PIWIL1: variants seen among roughly 807,000 people sequenced by gnomAD.
PIWIL1 encodes the protein piwi-like protein 1.
A neutral mutation model predicts 114.4 loss-of-function variants in PIWIL1; 73 were observed. That is an observed-to-expected ratio of 0.64 (90% CI 0.53 to 0.78). The LOEUF (loss-of-function observed/expected upper bound fraction) is 0.78, where lower values mean the gene tolerates loss of function less well. Among genes scored for constraint, PIWIL1 ranks in the 30% least tolerant of loss-of-function variants. PIWIL1 has a pLI of 0.00. For synonymous variants in PIWIL1, 375 were observed against 369.0 expected (o/e 1.02, Z -0.19); for missense variants, 723 against 1,063.1 (o/e 0.68, Z 4.45).
At chr12:130,390,741 C>T in the PIWIL1 span, among the ~76,000 whole-genome samples, 1 of 152,184 alleles carries the variant, frequency 6.6e-6, no homozygotes, top group Admixed American at 6.5e-5. Context: ...TCTTTCTGCT[C>T]CTCTTCCCCT....
chr12:130,366,787 CAG>C (rs202236358), intron 18 of PIWIL1: 6 of 198,162 alleles, frequency 3.0e-5, no homozygotes, highest in African/African-American at 1.4e-4. Context: ...ATTTTCTACA[CAG>C]TAGAAAATGC....
chr12:130,424,492 C>T, the PIWIL1 span: 2 of 1,232,156 alleles, frequency 1.6e-6, no homozygotes, highest in Non-Finnish European at 2.0e-6. The surrounding 1 kb of genome is among the most constrained non-coding windows in gnomAD (Gnocchi z 9.8). Context: ...GACTCGTCCT[C>T]TTCACTCCCA....
chr12:130,355,146 C>T (rs919418464), intron 11 of PIWIL1, 141 bp downstream of exon 11: 19 of 684,848 alleles, frequency 2.8e-5, no homozygotes, highest in Middle Eastern at 2.7e-4. Context: ...GCTTGTTCTT[C>T]GTGTTTCTAA....
chr12:130,385,941 A>G, the PIWIL1 span, among the ~76,000 whole-genome samples: 1 of 152,198 alleles, frequency 6.6e-6, no homozygotes, highest in African/African-American at 2.4e-5. Flanking sequence ...AAAACATATC[A>G]GTCCTTTACT....
At chr12:130,349,733 T>G in intron 8 of PIWIL1, 123 bp from the exon 9 acceptor site, 1 of 632,646 alleles carries the variant, frequency 1.6e-6, no homozygotes. Flanking sequence ...TTCCTTCTTT[T>G]TCCAACCTTG....
chr12:130,349,484 A>G, intron 8 of PIWIL1, 48 bp downstream of exon 8: 1 of 1,273,622 alleles, frequency 7.9e-7, no homozygotes. Context: ...GAGTCAAAGT[A>G]TTGTGGCTTT....
chr12:130,407,835 C>T, the PIWIL1 span: 1 of 1,611,994 alleles, frequency 6.2e-7, no homozygotes, highest in Non-Finnish European at 8.5e-7. Context: ...TCTCTCTGTT[C>T]AGATCACAAG....
At chr12:130,401,059 T>C in the PIWIL1 span, among the ~76,000 whole-genome samples, 22 of 152,240 alleles carry the variant, frequency 1.4e-4, no homozygotes, top group African/African-American at 4.1e-4. Context: ...TGGTGATTGT[T>C]TGCACAATGT....
intron 18 of PIWIL1, chr12:130,366,687 G>A (rs537656303): frequency 6.3e-6 from 1 of 158,290 alleles, no homozygotes; most frequent in African/African-American, 2.4e-5. Context: ...GTGTGTGTCT[G>A]TGTGTATCCC....
At chr12:130,381,804 T>C in the PIWIL1 span, among the ~76,000 whole-genome samples, 1 of 152,210 alleles carries the variant, frequency 6.6e-6, no homozygotes, top group South Asian at 2.1e-4. Flanking sequence ...TTCACGTCTT[T>C]CCCAGCGTTT....
At chr12:130,422,569 C>T in the PIWIL1 span, 48 of 1,585,546 alleles carry the variant, frequency 3.0e-5, no homozygotes, top group South Asian at 2.8e-4. This position sits in a 1 kb window ranked among gnomAD's most constrained non-coding sequence, Gnocchi z 5.2. Flanking sequence ...AATCTAAAGA[C>T]AAAACAACAA....
At chr12:130,355,717 G>A (rs370240187) in intron 12 of PIWIL1, 50 bp downstream of exon 12, 185 of 1,255,714 alleles carry the variant, frequency 1.5e-4, no homozygotes, top group Middle Eastern at 1.9e-4. Flanking sequence ...ACGGAGTCTC[G>A]CTCTGTCCCC....
chr12:130,418,009 C>T, the PIWIL1 span, among the ~76,000 whole-genome samples: 2 of 152,224 alleles, frequency 1.3e-5, no homozygotes, highest in African/African-American at 2.4e-5. Flanking sequence ...GAGCTTCTGT[C>T]CCAGCACGAG....
intron 19 of PIWIL1, among the ~76,000 whole-genome samples, chr12:130,370,282 G>C (rs1256144035): frequency 2.0e-5 from 3 of 149,936 alleles, no homozygotes; most frequent in Non-Finnish European, 3.0e-5. Flanking sequence ...CTTCATATTT[G>C]TACTACAGGC....
downstream of PIWIL1, among the ~76,000 whole-genome samples, chr12:130,376,464 C>G (rs1335344760): frequency 2.6e-5 from 4 of 152,202 alleles, no homozygotes; most frequent in Non-Finnish European, 2.9e-5. Flanking sequence ...CCAAAGGAGT[C>G]TGAGATTTCC....
chr12:130,410,350 T>C, the PIWIL1 span, among the ~76,000 whole-genome samples: 1 of 152,246 alleles, frequency 6.6e-6, no homozygotes, highest in Admixed American at 6.5e-5. Flanking sequence ...CTGCACTTTT[T>C]AAGTGCAGAG....
At chr12:130,376,190 C>T (rs1033443136), downstream of PIWIL1, among the ~76,000 whole-genome samples, 4 of 152,234 alleles carry the variant, frequency 2.6e-5, no homozygotes, top group African/African-American at 9.6e-5. Flanking sequence ...GCTGCTCAGA[C>T]TTCTTGGTCT....
At chr12:130,357,246 T>C (rs2073388053) in intron 13 of PIWIL1, 141 bp downstream of exon 13, 2 of 744,544 alleles carry the variant, frequency 2.7e-6, no homozygotes, top group Admixed American at 3.0e-5. Context: ...CAGAAACATA[T>C]TTTAATAACT....
At chr12:130,389,590 C>T in the PIWIL1 span, among the ~76,000 whole-genome samples, 1 of 152,062 alleles carries the variant, frequency 6.6e-6, no homozygotes, top group East Asian at 1.9e-4. Flanking sequence ...AATACTTCAT[C>T]TTTATAAAAT....
Sources: allele counts gnomAD v4.1 joint callset (sites outside exome capture counted in the v4.1 genomes callset), GRCh38; gene constraint gnomAD v4.1.1; non-coding constraint Gnocchi (gnomAD v3.1); transcripts MANE v1.5; gene names NCBI Gene and HGNC (gene_info 2026-07-23, HGNC 2026-07-21).